Variants in MAP2K5 observed in about 807,000 individuals in gnomAD.
MAP2K5 encodes the protein mitogen-activated protein kinase kinase 5, also known as dual specificity mitogen-activated protein kinase kinase 5.
MAP2K5 carries 49 observed loss-of-function variants against 83.1 expected under a neutral mutation model. That is an observed-to-expected ratio of 0.59 (90% CI 0.47 to 0.75). The LOEUF (loss-of-function observed/expected upper bound fraction) is 0.75. Ranked by LOEUF, MAP2K5 falls within the 30% of genes least tolerant of loss-of-function variation. MAP2K5 has a pLI of 0.00. For missense variants in MAP2K5, 457 were observed against 557.5 expected, an observed-to-expected ratio of 0.82 and a Z score of 1.82; for synonymous variants, 202 against 191.8, an observed-to-expected ratio of 1.05 and a Z score of -0.44.
intron 6 of MAP2K5, chr15:67,588,175 T>C: frequency 1.1e-6 from 1 of 869,758 alleles, no homozygotes; most frequent in Non-Finnish European, 1.4e-6. Flanking sequence ...CTCTGTGTAC[T>C]CCAGCTTGCT....
At chr15:67,549,553 T>C (rs1197120448) in intron 1 of MAP2K5, among the ~76,000 whole-genome samples, 1 of 152,236 alleles carries the variant, frequency 6.6e-6, no homozygotes, top group Non-Finnish European at 1.5e-5. Context: ...TCTAAGTTTA[T>C]GTTTATTAGA....
intron 8 of MAP2K5, among the ~76,000 whole-genome samples, chr15:67,619,608 T>G (rs1475172857): frequency 6.6e-6 from 1 of 152,220 alleles, no homozygotes; most frequent in Non-Finnish European, 1.5e-5. Flanking sequence ...TATTAAGAAT[T>G]TACAGCATAG....
chr15:67,638,278 T>G lies in MAP2K5; in HGVS notation c.585+7351T>G, dbSNP rs1355884711. On this transcript the variant is annotated intron_variant, in intron 9 of 21. Coordinates refer to ENST00000178640, the MANE Select transcript of MAP2K5 (RefSeq NM_145160.3). This position sits in a 1 kb window ranked among gnomAD's most constrained non-coding sequence, Gnocchi z 4.5. ...TGGTGTTTCCCTCTATGTGTCCATG[T>G]GTTCTCATAAGTTAGCTCCCACTTA... Among the ~76,000 whole-genome samples the G allele has an allele frequency of 6.6e-6, 1 of 152,210 alleles. No individual in the cohort carries two copies. Among genetic ancestry groups the G allele is most frequent in the Non-Finnish European group, 1.5e-5 (1 of 68,048 alleles).
intron 21 of MAP2K5, among the ~76,000 whole-genome samples, chr15:67,788,515 T>G (rs1287107552): frequency 6.6e-6 from 1 of 152,216 alleles, no homozygotes; most frequent in East Asian, 1.9e-4. Context: ...ACCCACTGCA[T>G]GGAAAGGGGA....
At position 67,636,279 on chromosome 15, in the gene MAP2K5, G is replaced by A. The variant is rs2086601709; in HGVS notation, c.585+5352G>A. Among the ~76,000 whole-genome samples the A allele has an allele frequency of 6.6e-6, 1 of 152,084 alleles. No individual in the cohort carries two copies. ...AAAAATTAGCTGGCCGTGGTGTCGG[G>A]CGCTTGTAGTCCCAGCTACTCAGGA... On this transcript the variant is annotated intron_variant, in intron 9 of 21. Coordinates refer to ENST00000178640, the MANE Select transcript of MAP2K5 (RefSeq NM_145160.3). The surrounding 1 kb of genome is among the most constrained non-coding windows in gnomAD (Gnocchi z 4.7).
chr15:67,681,654 A>G (rs533062777), intron 13 of MAP2K5, among the ~76,000 whole-genome samples: 2 of 152,336 alleles, frequency 1.3e-5, no homozygotes, highest in South Asian at 2.1e-4. Context: ...AAATTAGGAA[A>G]CACCTAAACT....
rs907666255 is a variant in MAP2K5 at position 67,559,658 on chromosome 15, A to G, written c.185-3625A>G. Among the ~76,000 whole-genome samples the G allele has an allele frequency of 3.9e-5, 6 of 152,152 alleles. No individual in the cohort carries two copies. The highest frequency in any genetic ancestry group is 1.4e-4 in the African/African-American group (6 of 41,432). Reference sequence around the variant, plus strand: ...TTTTCCTCCATTTTAAGTGACATTAACAAAATCTAGCCAGTACATAGGCTT... The same window carrying G: ...TTTTCCTCCATTTTAAGTGACATTAGCAAAATCTAGCCAGTACATAGGCTT... On this transcript the variant is annotated intron_variant, in intron 2 of 21. Coordinates refer to ENST00000178640, the MANE Select transcript of MAP2K5 (RefSeq NM_145160.3). The surrounding 1 kb of genome is among the most constrained non-coding windows in gnomAD (Gnocchi z 4.7).
chr15:67,761,581 G>A (rs1227177721), intron 19 of MAP2K5, among the ~76,000 whole-genome samples: 1 of 152,216 alleles, frequency 6.6e-6, no homozygotes, highest in Non-Finnish European at 1.5e-5. Context: ...AGGACATACA[G>A]TGTGGTGATG....
At chr15:67,788,507 C>G (rs2090457949) in intron 21 of MAP2K5, among the ~76,000 whole-genome samples, 1 of 152,130 alleles carries the variant, frequency 6.6e-6, no homozygotes, top group Non-Finnish European at 1.5e-5. Flanking sequence ...ACTTTAGTAC[C>G]CACTGCATGG....
intron 7 of MAP2K5, among the ~76,000 whole-genome samples, chr15:67,598,934 C>G (rs930975630): frequency 2.0e-5 from 3 of 152,164 alleles, no homozygotes; most frequent in African/African-American, 7.2e-5. Flanking sequence ...CAGGTTGTTA[C>G]GGACATGTTT....
rs2089934854 is a variant in MAP2K5, at chr15:67,760,798, T to C, written c.1135-8804T>C. ...TCATTTAACATGTGTTGCTGTATTG[T>C]GAAGTCTTACCCAGCCATAGGACAA... On this transcript the variant is annotated intron_variant, in intron 19 of 21. Coordinates refer to ENST00000178640, the MANE Select transcript of MAP2K5 (RefSeq NM_145160.3). This position sits in a 1 kb window ranked among gnomAD's most constrained non-coding sequence, Gnocchi z 4.1. 6.6e-6 allele frequency among the ~76,000 whole-genome samples: 1 copy of C among 152,160 alleles called. No homozygotes were observed. The highest frequency in any genetic ancestry group is 1.5e-5 in the Non-Finnish European group (1 of 68,026).
At chr15:67,575,415 C>A (rs2085033515) in intron 3 of MAP2K5, among the ~76,000 whole-genome samples, 1 of 152,024 alleles carries the variant, frequency 6.6e-6, no homozygotes, top group African/African-American at 2.4e-5. Flanking sequence ...AAGAAAGAGC[C>A]AGAGGTCACC....
At chr15:67,648,749 T>C (rs763492832) in intron 11 of MAP2K5, among the ~76,000 whole-genome samples, 1 of 152,040 alleles carries the variant, frequency 6.6e-6, no homozygotes, top group Non-Finnish European at 1.5e-5. Flanking sequence ...CATGCCCAGC[T>C]AAGTTTTGTA....
At chr15:67,672,801 C>T (rs1291584160) in intron 13 of MAP2K5, among the ~76,000 whole-genome samples, 2 of 147,258 alleles carry the variant, frequency 1.4e-5, no homozygotes, top group Admixed American at 6.8e-5. Flanking sequence ...TTAAGTCTAA[C>T]GTTTAAGTCT....
intron 19 of MAP2K5, among the ~76,000 whole-genome samples, chr15:67,765,397 G>A (rs1316695636): frequency 6.6e-6 from 1 of 152,136 alleles, no homozygotes; most frequent in African/African-American, 2.4e-5. Context: ...TATCTATACT[G>A]TAGATAGAAA....
intron 11 of MAP2K5, among the ~76,000 whole-genome samples, chr15:67,656,035 A>T (rs1355454933): frequency 6.6e-6 from 1 of 152,112 alleles, no homozygotes. Flanking sequence ...CAGTTATTAT[A>T]CTTTTCAACT....
chr15:67,735,388 A>G (rs923651911), intron 17 of MAP2K5, among the ~76,000 whole-genome samples: 2 of 152,244 alleles, frequency 1.3e-5, no homozygotes, highest in African/African-American at 4.8e-5. Flanking sequence ...GTTTGAAAGC[A>G]CTAACCTCAT....
chr15:67,786,633 G>C lies in MAP2K5; in HGVS notation c.1242+13881G>C, dbSNP rs1407425027. ...CAGTGAGGATGCCTGGCTCGGGCCT[G>C]AGTACAGAACTTGGAAAGTGGTGGT... is the stretch of plus-strand genomic sequence containing the variant. On this transcript the variant is annotated intron_variant, in intron 21 of 21. Transcript: ENST00000178640. This position sits in a 1 kb window ranked among gnomAD's most constrained non-coding sequence, Gnocchi z 4.7. Among the ~76,000 whole-genome samples, 1 of 152,230 alleles carries C rather than the reference G, an allele frequency of 6.6e-6. No individual in the cohort carries two copies. The highest frequency in any genetic ancestry group is 1.5e-5 in the Non-Finnish European group (1 of 68,048).
chr15:67,580,961 G>T (rs370953340), intron 4 of MAP2K5, 138 bp downstream of exon 4: 2 of 628,316 alleles, frequency 3.2e-6, no homozygotes, highest in African/African-American at 1.8e-5. Context: ...ATTCATTATC[G>T]TGGGGATTGC....
Sources: gnomAD v4.1 joint callset for allele counts (sites outside exome capture counted in the v4.1 genomes callset) on GRCh38, gnomAD v4.1.1 for gene constraint, Gnocchi (gnomAD v3.1) non-coding constraint, MANE v1.5 for transcripts, NCBI Gene and HGNC (gene_info 2026-07-23, HGNC 2026-07-21) for gene names.